The following ADAMTS12 variants were observed in gnomAD, a reference collection of about 807,000 sequenced individuals.
ADAMTS12 encodes the protein A disintegrin and metalloproteinase with thrombospondin motifs 12.
Under a neutral mutation model 167.8 loss-of-function variants are expected in ADAMTS12, and 118 were observed. The ratio of observed to expected loss-of-function variants is 0.70; its 90% confidence interval spans 0.61 to 0.82. The LOEUF (loss-of-function observed/expected upper bound fraction) is 0.82. Ranked by LOEUF, ADAMTS12 falls within the 40% of genes least tolerant of loss-of-function variation. The pLI is 0.00. For missense variants in ADAMTS12, 1,916 were observed against 1,998.8 expected, an observed-to-expected ratio of 0.96 and a Z score of 0.79; for synonymous variants, 704 against 716.9, an observed-to-expected ratio of 0.98 and a Z score of 0.29.
intron 2 of ADAMTS12, among the ~76,000 whole-genome samples, chr5:33,799,415 C>T (rs1194754076): frequency 1.3e-5 from 2 of 152,206 alleles, no homozygotes; most frequent in Non-Finnish European, 2.9e-5. Flanking sequence ...ATCACACTCT[C>T]CCTCCTGTGT....
At chr5:33,536,146 A>G (rs1013617375) in intron 22 of ADAMTS12, among the ~76,000 whole-genome samples, 1 of 152,036 alleles carries the variant, frequency 6.6e-6, no homozygotes, top group Non-Finnish European at 1.5e-5. Flanking sequence ...CATTTAAACC[A>G]TTTTTTCTGA....
intron 16 of ADAMTS12, among the ~76,000 whole-genome samples, chr5:33,598,496 T>C (rs955541380): frequency 5.3e-5 from 8 of 152,278 alleles, no homozygotes; most frequent in Non-Finnish European, 1.0e-4. Context: ...TGTAGGAAAA[T>C]GAGAACAGTG....
chr5:33,638,156 T>C (rs1048110795), intron 11 of ADAMTS12, among the ~76,000 whole-genome samples: 3 of 145,360 alleles, frequency 2.1e-5, no homozygotes, highest in African/African-American at 2.5e-5. Flanking sequence ...TTTACATTTG[T>C]TTCCTACTCT....
At chr5:33,779,596 A>C (rs1579928845) in intron 2 of ADAMTS12, among the ~76,000 whole-genome samples, 1 of 152,240 alleles carries the variant, frequency 6.6e-6, no homozygotes, top group East Asian at 1.9e-4. Context: ...TAAATGGATA[A>C]AGAAAATGTA....
intron 2 of ADAMTS12, among the ~76,000 whole-genome samples, chr5:33,860,661 G>A (rs1282845811): frequency 1.3e-5 from 2 of 152,092 alleles, no homozygotes; most frequent in Admixed American, 1.3e-4. Context: ...GAAATACAGG[G>A]AATACCACAA....
At chr5:33,815,044 G>T (rs1374424986) in intron 2 of ADAMTS12, among the ~76,000 whole-genome samples, 2 of 152,146 alleles carry the variant, frequency 1.3e-5, no homozygotes, top group Admixed American at 6.6e-5. Flanking sequence ...TGTCAAGGAG[G>T]GTTGTTGTTG....
rs576474944 is a variant in ADAMTS12 at position 33,561,224 on chromosome 5, T to A, written c.3973-45A>T. ...AGATGACAGAGGCTGAGTGTCACCTTCTCACACATGCCCCATCACTGGGAT... is the reference window on the plus strand; with the variant it reads ...AGATGACAGAGGCTGAGTGTCACCTACTCACACATGCCCCATCACTGGGAT... On this transcript the variant is annotated intron_variant, in intron 19 of 23. Transcript: ENST00000504830. 115 of 1,598,344 alleles carry A rather than the reference T, an allele frequency of 7.2e-5. No homozygotes were observed. The South Asian group carries it at 1.1e-3, about 15-fold the overall frequency.
At chr5:33,862,300 A>C (rs1749648846) in intron 2 of ADAMTS12, among the ~76,000 whole-genome samples, 1 of 152,182 alleles carries the variant, frequency 6.6e-6, no homozygotes, top group Non-Finnish European at 1.5e-5. Flanking sequence ...ATAAAGAAGA[A>C]AATAGGGGAA....
intron 2 of ADAMTS12, among the ~76,000 whole-genome samples, chr5:33,869,991 T>C (rs1749973859): frequency 6.6e-6 from 1 of 152,210 alleles, no homozygotes; most frequent in Non-Finnish European, 1.5e-5. Context: ...ATGTTAATTA[T>C]TAATATTCCT....
At chr5:33,612,895 C>A (rs1049764702) in intron 16 of ADAMTS12, among the ~76,000 whole-genome samples, 4 of 152,216 alleles carry the variant, frequency 2.6e-5, no homozygotes, top group African/African-American at 9.6e-5. Context: ...TGTTAAATAT[C>A]ACATAATTTA....
chr5:33,714,061 T>C (rs184304271), intron 3 of ADAMTS12, among the ~76,000 whole-genome samples: 1 of 152,222 alleles, frequency 6.6e-6, no homozygotes, highest in Non-Finnish European at 1.5e-5. Context: ...GTCTGGACAA[T>C]TCAACAATTA....
intron 2 of ADAMTS12, among the ~76,000 whole-genome samples, chr5:33,866,829 A>T (rs1749841035): frequency 6.6e-6 from 1 of 152,174 alleles, no homozygotes; most frequent in African/African-American, 2.4e-5. Flanking sequence ...GCCAATAAAC[A>T]TATGAAAAAA....
In ADAMTS12 at chr5:33,891,914, T is replaced by C; in HGVS notation, c.-58A>G. 1.3e-6 allele frequency: 2 copies of C among 1,588,096 alleles called. No homozygotes were observed. Among genetic ancestry groups the C allele is most frequent in the Non-Finnish European group, 1.7e-6 (2 of 1,168,468 alleles). On this transcript the variant is annotated 5_prime_UTR_variant, in exon 1 of 24. Transcript: ENST00000504830. Reference sequence around the variant, plus strand: ...AAGTTTTAGCCCTCAGCTCCAGAAATAAAGCGCTCGCCTGTGGCCCAGCAG... The same window carrying C: ...AAGTTTTAGCCCTCAGCTCCAGAAACAAAGCGCTCGCCTGTGGCCCAGCAG...
At chr5:33,691,056 T>C (rs1418851002) in intron 3 of ADAMTS12, among the ~76,000 whole-genome samples, 1 of 152,204 alleles carries the variant, frequency 6.6e-6, no homozygotes, top group Admixed American at 6.5e-5. Context: ...TCAGGGACTT[T>C]CACGCTTCAT....
intron 2 of ADAMTS12, among the ~76,000 whole-genome samples, chr5:33,876,193 G>C (rs1472823695): frequency 6.6e-6 from 1 of 152,086 alleles, no homozygotes; most frequent in Non-Finnish European, 1.5e-5. Context: ...TGGATCACAA[G>C]ACTTGACATA....
At position 33,524,703 on chromosome 5, in the gene ADAMTS12, A is replaced by C. The variant is rs532204855; in HGVS notation, c.*2485T>G. 6.6e-6 allele frequency: 1 copy of C among 152,388 alleles called. No homozygotes were observed. The highest frequency in any genetic ancestry group is 2.4e-5 in the African/African-American group (1 of 41,574). The allele number at this position is 152,388 out of a possible 1,614,324, so 9.4% of individuals were successfully genotyped here. ...GATCGCCAAGGCAACAGATGATACC[A>C]ACAGGACAGAAAACAGCAAGCCCTG... On this transcript the variant is annotated 3_prime_UTR_variant, in exon 24 of 24. Transcript: ENST00000504830.
chr5:33,639,393 C>A (rs973468556), intron 11 of ADAMTS12, among the ~76,000 whole-genome samples: 1 of 152,046 alleles, frequency 6.6e-6, no homozygotes. Context: ...TTTAAGACAG[C>A]AATTATGTAT....
chr5:33,760,840 G>C (rs1745326459), intron 2 of ADAMTS12, among the ~76,000 whole-genome samples: 5 of 151,790 alleles, frequency 3.3e-5, no homozygotes, highest in South Asian at 4.2e-4. Flanking sequence ...TCTTCTATCA[G>C]AAAAGTTTTC....
At chr5:33,881,734 GTTTTTTTT>G (rs11295558) in intron 1 of ADAMTS12, among the ~76,000 whole-genome samples, 2 of 120,188 alleles carry the variant, frequency 1.7e-5, no homozygotes, top group Non-Finnish European at 3.6e-5. Context: ...GGCTAATTTT[GTTTTTTTT>G]TTTTTTTTTT....
Sources: allele counts gnomAD v4.1 joint callset (sites outside exome capture counted in the v4.1 genomes callset), GRCh38; gene constraint gnomAD v4.1.1; transcripts MANE v1.5; gene names NCBI Gene and HGNC (gene_info 2026-07-23, HGNC 2026-07-21).